The following C2orf49 variants were observed in gnomAD, a reference collection of about 807,000 sequenced individuals.
The protein encoded by C2orf49 is tRNA-splicing ligase complex subunit ASW.
C2orf49 carries 11 observed loss-of-function variants against 20.6 expected under a neutral mutation model. The ratio of observed to expected loss-of-function variants is 0.53; its 90% CI spans 0.34 to 0.88. The LOEUF is 0.88. Among genes scored for constraint, C2orf49 ranks in the 40% least tolerant of loss-of-function variants. The pLI is 0.02. For synonymous variants in C2orf49, 134 were observed against 108.5 expected (o/e 1.24, Z -1.46); for missense variants, 289 against 274.2 (o/e 1.05, Z -0.38).
chr2:105,343,456 G>A (rs986979532), intron 3 of C2orf49, among the ~76,000 whole-genome samples: 2 of 152,188 alleles, frequency 1.3e-5, no homozygotes, highest in Non-Finnish European at 2.9e-5. Flanking sequence ...CTTAAAATAC[G>A]TAGAGAGAGG....
chr2:105,339,917 C>T (rs114567225), intron 2 of C2orf49, among the ~76,000 whole-genome samples, 168 bp downstream of exon 2: 1,718 of 152,230 alleles, frequency 0.011, 13 homozygotes, highest in Middle Eastern at 0.024. Context: ...GACAAAATTC[C>T]CTGCTCATAT....
intron 3 of C2orf49, 37 bp from the exon 4 acceptor site, chr2:105,345,278 C>G (rs1558668131): frequency 1.1e-5 from 17 of 1,564,754 alleles, no homozygotes; most frequent in South Asian, 3.5e-5. Context: ...TCTGATATTT[C>G]TGCAAGTATA....
At chr2:105,381,499 C>T in the C2orf49 span, among the ~76,000 whole-genome samples, 3 of 152,048 alleles carry the variant, frequency 2.0e-5, no homozygotes, top group Non-Finnish European at 2.9e-5. Context: ...GGTCCAGCCT[C>T]GGTGCATGCG....
chr2:105,379,257 T>C, the C2orf49 span, among the ~76,000 whole-genome samples: 1 of 152,248 alleles, frequency 6.6e-6, no homozygotes, highest in African/African-American at 2.4e-5. Flanking sequence ...GTTGCTGGTA[T>C]GTATTACAAT....
At chr2:105,360,339 A>C in the C2orf49 span, 1 of 149,098 alleles carries the variant, frequency 6.7e-6, no homozygotes, top group African/African-American at 2.5e-5. Context: ...GGTAGCAAGG[A>C]AGAGGTGCCT....
At chr2:105,381,379 G>A in the C2orf49 span, among the ~76,000 whole-genome samples, 17,636 of 151,986 alleles carry the variant, frequency 0.12, 1,198 homozygotes, top group East Asian at 0.29. Flanking sequence ...CGACAGTCCC[G>A]TGAGCTAGGA....
At chr2:105,384,617 C>A in the C2orf49 span, among the ~76,000 whole-genome samples, 2 of 152,304 alleles carry the variant, frequency 1.3e-5, no homozygotes, top group South Asian at 2.1e-4. Flanking sequence ...AAGTGATTCT[C>A]GTGCCTCAGC....
chr2:105,379,108 T>C, the C2orf49 span, among the ~76,000 whole-genome samples: 1 of 152,202 alleles, frequency 6.6e-6, no homozygotes, highest in Non-Finnish European at 1.5e-5. Context: ...AAATGCCAGA[T>C]TGACTAAACT....
the C2orf49 span, among the ~76,000 whole-genome samples, chr2:105,354,747 T>A: frequency 1.1e-4 from 16 of 152,232 alleles, no homozygotes; most frequent in African/African-American, 3.4e-4. Flanking sequence ...TAATTTATTC[T>A]ACAAGGTAGT....
At chr2:105,361,310 C>A in the C2orf49 span, 1 of 1,614,034 alleles carries the variant, frequency 6.2e-7, no homozygotes, top group East Asian at 2.2e-5. Flanking sequence ...AGTCGGGGCA[C>A]AGGATGTCGT....
At chr2:105,371,546 A>C in the C2orf49 span, among the ~76,000 whole-genome samples, 4 of 140,970 alleles carry the variant, frequency 2.8e-5, no homozygotes, top group Non-Finnish European at 4.6e-5. Flanking sequence ...ATCCCTTGAA[A>C]TCTCTCTCTC....
chr2:105,340,200 G>A (rs1404589562), intron 2 of C2orf49, among the ~76,000 whole-genome samples: 1 of 152,168 alleles, frequency 6.6e-6, no homozygotes, highest in Non-Finnish European at 1.5e-5. Context: ...GTTGTACTGG[G>A]GGCAAACGGG....
the C2orf49 span, among the ~76,000 whole-genome samples, chr2:105,369,032 AGTT>A: frequency 8.6e-3 from 1,315 of 152,304 alleles, 11 homozygotes; most frequent in African/African-American, 0.03. Context: ...GCAGTTGTGC[AGTT>A]GTTGTGTAGT....
chr2:105,366,340 T>C, the C2orf49 span, among the ~76,000 whole-genome samples: 8 of 152,052 alleles, frequency 5.3e-5, no homozygotes, highest in Admixed American at 1.3e-4. Context: ...GGTAGCAGCA[T>C]TGGGGATGTT....
chr2:105,354,804 C>T, the C2orf49 span, among the ~76,000 whole-genome samples: 3 of 152,100 alleles, frequency 2.0e-5, no homozygotes, highest in South Asian at 2.1e-4. Flanking sequence ...ATGTGATCAA[C>T]GTAAATCTTA....
chr2:105,371,282 C>T, the C2orf49 span, among the ~76,000 whole-genome samples: 16 of 152,190 alleles, frequency 1.1e-4, no homozygotes, highest in East Asian at 2.9e-3. Context: ...GAGTGCAGCA[C>T]GTTACCCACG....
At chr2:105,369,595 G>A in the C2orf49 span, among the ~76,000 whole-genome samples, 11 of 152,114 alleles carry the variant, frequency 7.2e-5, no homozygotes, top group Admixed American at 7.2e-4. Context: ...TTCAATTGTG[G>A]GGTGATGAAT....
the C2orf49 span, among the ~76,000 whole-genome samples, chr2:105,372,648 G>T: frequency 5.3e-5 from 8 of 152,026 alleles, no homozygotes; most frequent in African/African-American, 1.9e-4. Flanking sequence ...AATTAGCCAG[G>T]TGTGGTGGTG....
At chr2:105,370,364 G>C in the C2orf49 span, among the ~76,000 whole-genome samples, 1 of 150,498 alleles carries the variant, frequency 6.6e-6, no homozygotes, top group Non-Finnish European at 1.5e-5. Context: ...GAAAGAGCGA[G>C]ATCCTGGCTC....
Sources: allele counts gnomAD v4.1 joint callset (sites outside exome capture counted in the v4.1 genomes callset), GRCh38; gene constraint gnomAD v4.1.1; transcripts MANE v1.5; gene names NCBI Gene and HGNC (gene_info 2026-07-23, HGNC 2026-07-21).